The following CHD2 variants were observed in gnomAD, a reference collection of about 807,000 sequenced individuals.
The protein encoded by CHD2 is chromodomain helicase DNA binding protein 2.
Under a neutral mutation model 243.9 loss-of-function variants are expected in CHD2, and 28 were observed. The observed-to-expected ratio is 0.11, with a 90% confidence interval of 0.09 to 0.16. The LOEUF (loss-of-function observed/expected upper bound fraction) is 0.16. Ranked by LOEUF, CHD2 falls within the 10% of genes least tolerant of loss-of-function variation. The pLI, the probability that CHD2 is intolerant of heterozygous loss-of-function variation, is 1.00. For missense variants in CHD2, 1,386 were observed against 2,209.8 expected, an observed-to-expected ratio of 0.63 and a Z score of 7.47; for synonymous variants, 775 against 779.0, an observed-to-expected ratio of 0.99 and a Z score of 0.09.
chr15:92,954,300 C>T (rs187847182), intron 14 of CHD2: 12 of 152,338 alleles, frequency 7.9e-5, no homozygotes, highest in East Asian at 7.7e-4. Context: ...GCGACCCTAG[C>T]GAGCAAGAAT....
intron 3 of CHD2, among the ~76,000 whole-genome samples, chr15:92,925,009 C>T (rs1233154905): frequency 2.0e-5 from 3 of 152,116 alleles, no homozygotes; most frequent in African/African-American, 7.2e-5. Flanking sequence ...TCATGTTGGC[C>T]ATTCTGGTCT....
chr15:92,927,217 T>C lies in CHD2; in HGVS notation c.295-27T>C, dbSNP rs1005056573. 5.3e-6 allele frequency: 8 copies of C among 1,517,310 alleles called. No homozygotes were observed. The Admixed American group carries it at 1.2e-4, about 23-fold the overall frequency. 94.0% of individuals were successfully genotyped at this position (1,517,310 alleles called of 1,614,324 possible). On this transcript the variant is annotated intron_variant, in intron 3 of 38. Coordinates refer to ENST00000394196, the MANE Select transcript of CHD2 (RefSeq NM_001271.4). ...TAATAATGGGGGTCAAGAAAAAAGA[T>C]TAATGCGTGGTCTCTTAATTTTACA...
Position 93,010,026 on chromosome 15 carries a change from GC to G in CHD2, c.4592+708del, listed in dbSNP as rs200375309. 5.1e-3 allele frequency among the ~76,000 whole-genome samples: 773 copies of G among 152,238 alleles called. 7 individuals carry two copies. The highest frequency in any genetic ancestry group is 0.015 in the African/African-American group (639 of 41,538). Reference sequence around the variant, plus strand: ...CCAGTGTGTCATCTTCTATCCCTCAGCCCCCTTCCCCCCAGAGTCCGTTATA... The same window carrying G: ...CCAGTGTGTCATCTTCTATCCCTCAGCCCCTTCCCCCCAGAGTCCGTTATA... On this transcript the variant is annotated intron_variant, in intron 35 of 38. Transcript: ENST00000394196.
intron 12 of CHD2, among the ~76,000 whole-genome samples, chr15:92,948,156 A>G (rs937533338): frequency 9.9e-5 from 15 of 152,140 alleles, no homozygotes; most frequent in African/African-American, 3.6e-4. Context: ...GGTGAAAACA[A>G]CCTTCCCTTC....
chr15:92,998,713 G>A lies in CHD2; in HGVS notation c.4008+92G>A, dbSNP rs2054214320. 3 of 1,442,636 alleles carry A rather than the reference G, an allele frequency of 2.1e-6. No homozygotes were observed. Among genetic ancestry groups the A allele is most frequent in the East Asian group, 4.6e-5 (2 of 43,076 alleles). The allele number at this position is 1,442,636 out of a possible 1,614,324, so 89.4% of individuals were successfully genotyped here. On this transcript the variant is annotated intron_variant, in intron 31 of 38. Transcript: ENST00000394196. The surrounding 1 kb of genome is among the most constrained non-coding windows in gnomAD (Gnocchi z 5.1). ...AAGAGAGAGGCCCTCTCTGAGCACT[G>A]CACAGAATGTCACCTTCTCATGGGC...
chr15:92,949,554 T>C (rs900845705), intron 13 of CHD2, among the ~76,000 whole-genome samples: 1 of 152,226 alleles, frequency 6.6e-6, no homozygotes, highest in Non-Finnish European at 1.5e-5. Context: ...TCTGTAGGAT[T>C]ATCCTGTTCA....
At chr15:92,922,941 A>G (rs936819205) in intron 2 of CHD2, among the ~76,000 whole-genome samples, 1 of 152,068 alleles carries the variant, frequency 6.6e-6, no homozygotes, top group Admixed American at 6.6e-5. Flanking sequence ...GATGACATCT[A>G]CCTACTTAGG....
chr15:92,902,942 C>T (rs143915815), intron 2 of CHD2, among the ~76,000 whole-genome samples: 10 of 152,252 alleles, frequency 6.6e-5, no homozygotes, highest in Admixed American at 5.2e-4. Context: ...TTACTCTCAC[C>T]TGGAAAACTA....
At chr15:93,007,053 G>A (rs547628736) in intron 34 of CHD2, among the ~76,000 whole-genome samples, 1 of 152,334 alleles carries the variant, frequency 6.6e-6, no homozygotes, top group African/African-American at 2.4e-5. Context: ...TCTCTAGGGT[G>A]TATGGCTTGA....
At chr15:92,971,407 GTA>G (rs1456721920) in intron 17 of CHD2, among the ~76,000 whole-genome samples, 4 of 152,112 alleles carry the variant, frequency 2.6e-5, no homozygotes, top group South Asian at 2.1e-4. Context: ...ACTTAAATAT[GTA>G]TAAAGTACAT....
At chr15:92,988,958 T>G (rs561788599) in intron 26 of CHD2, among the ~76,000 whole-genome samples, 1 of 151,972 alleles carries the variant, frequency 6.6e-6, no homozygotes, top group South Asian at 2.1e-4. Context: ...TAAGCCTACA[T>G]GCTAGACTTC....
chr15:92,979,090 TGGG>T lies in CHD2; in HGVS notation c.2728-41_2728-39del, dbSNP rs753177623. 15 of 1,593,998 alleles carry T rather than the reference TGGG, an allele frequency of 9.4e-6. No homozygotes were observed. The East Asian group carries it at 2.7e-4, about 29-fold the overall frequency. ...TCCTTCTCTCTTTTTTTGGGGGGGT[TGGG>T]GGGTGGTTCAGGCATAAGCATAACA... On this transcript the variant is annotated intron_variant, in intron 21 of 38. Transcript: ENST00000394196.
chr15:92,933,691 G>T (rs1340605764), intron 5 of CHD2, among the ~76,000 whole-genome samples: 3 of 152,078 alleles, frequency 2.0e-5, no homozygotes, highest in African/African-American at 7.2e-5. Flanking sequence ...CTGCAGCTTT[G>T]ACCTCCTGGG....
chr15:92,920,864 A>T (rs1405898019), intron 2 of CHD2, among the ~76,000 whole-genome samples: 1 of 152,212 alleles, frequency 6.6e-6, no homozygotes, highest in Non-Finnish European at 1.5e-5. Context: ...AAAGAACATC[A>T]AAGGAGATAT....
chr15:92,996,799 A>G (rs2054193985), intron 28 of CHD2, among the ~76,000 whole-genome samples, 158 bp from the exon 29 acceptor site: 2 of 152,226 alleles, frequency 1.3e-5, no homozygotes, highest in Non-Finnish European at 2.9e-5. Flanking sequence ...TACAGACATT[A>G]GTTGAGAAAA....
intron 2 of CHD2, among the ~76,000 whole-genome samples, chr15:92,917,671 C>T (rs1201688725): frequency 2.0e-5 from 3 of 152,198 alleles, no homozygotes; most frequent in East Asian, 1.9e-4. Context: ...GCAATGACAT[C>T]GGTTTAATAA....
chr15:92,937,287 T>C (rs2053282377), intron 5 of CHD2, among the ~76,000 whole-genome samples: 1 of 152,090 alleles, frequency 6.6e-6, no homozygotes, highest in Admixed American at 6.5e-5. Context: ...AAAAAGTACA[T>C]ATATATCCAT....
chr15:93,023,102 G>A (rs2054552303), intron 38 of CHD2, among the ~76,000 whole-genome samples: 3 of 152,238 alleles, frequency 2.0e-5, no homozygotes, highest in South Asian at 2.1e-4. Context: ...ATAATATTGG[G>A]CAGCCACCAC....
rs199684771 is a variant in CHD2 at position 92,998,513 on chromosome 15, G to A, written c.3900G>A (p.Glu1300=). 1.2e-6 allele frequency: 2 copies of A among 1,613,996 alleles called. No individual in the cohort carries two copies. Among genetic ancestry groups the A allele is most frequent in the Non-Finnish European group, 8.5e-7 (1 of 1,179,970 alleles). The change falls in exon 31 of 39, where the codon GAG becomes GAA. Residue 1300 remains glutamate (E), a synonymous_variant. Coordinates refer to ENST00000394196, the MANE Select transcript of CHD2 (RefSeq NM_001271.4). This position sits in a 1 kb window ranked among gnomAD's most constrained non-coding sequence, Gnocchi z 5.1. The part of the protein sequence containing the change: ...LKLTDKILPV[E]TDKKPQGKQL... Reference sequence around the variant, plus strand: ...TCTTGTTGAAGATTCTGCCGGTGGAGACAGATAAAAAGCCTCAGGGGAAGC... The same window carrying A: ...TCTTGTTGAAGATTCTGCCGGTGGAAACAGATAAAAAGCCTCAGGGGAAGC...
Sources: gnomAD v4.1 joint callset for allele counts (sites outside exome capture counted in the v4.1 genomes callset) on GRCh38, gnomAD v4.1.1 for gene constraint, Gnocchi (gnomAD v3.1) non-coding constraint, MANE v1.5 for transcripts, NCBI Gene and HGNC (gene_info 2026-07-23, HGNC 2026-07-21) for gene names.